Variants in ZNF33B observed in about 807,000 individuals in gnomAD.
The protein encoded by ZNF33B is zinc finger protein 11b (KOX 2).
ZNF33B carries 29 observed loss-of-function variants against 45.8 expected under a neutral mutation model. That is an observed-to-expected ratio of 0.63 (90% CI 0.47 to 0.86). The LOEUF (loss-of-function observed/expected upper bound fraction) is 0.86. Ranked by LOEUF, ZNF33B falls within the 40% of genes least tolerant of loss-of-function variation. The probability of loss-of-function intolerance (pLI) is 0.00; values close to 1 mark genes in which losing one functional copy is unlikely to be tolerated. For missense variants in ZNF33B, 831 were observed against 909.9 expected, an observed-to-expected ratio of 0.91 and a Z score of 1.12; for synonymous variants, 305 against 307.8, an observed-to-expected ratio of 0.99 and a Z score of 0.10.
chr10:42,631,694 A>G, intron 4 of ZNF33B: 2 of 435,996 alleles, frequency 4.6e-6, no homozygotes, highest in Non-Finnish European at 8.2e-6. Flanking sequence ...CAAAGACTGA[A>G]CTATTGGCAG....
intron 4 of ZNF33B, among the ~76,000 whole-genome samples, chr10:42,630,703 T>C (rs2132159630): frequency 6.6e-6 from 1 of 152,336 alleles, no homozygotes; most frequent in South Asian, 2.1e-4. Context: ...AGGACTTTAA[T>C]GAGCTCTCTA....
At chr10:42,583,824 G>T (rs770940970) in intron 1 of ZNF33B, among the ~76,000 whole-genome samples, 1 of 152,006 alleles carries the variant, frequency 6.6e-6, no homozygotes, top group Non-Finnish European at 1.5e-5. Context: ...ATGAGGGAAT[G>T]AAGCTGGAAC....
rs869297218 is a variant in ZNF33B, at chr10:42,626,722, TA to T, written c.250+5206del. ...ATAAATAAATAAATAAATAAATAAATAAAATAAAGAAATGTTCCTGCTTCTA... is the reference window on the plus strand; with the variant it reads ...ATAAATAAATAAATAAATAAATAAATAAATAAAGAAATGTTCCTGCTTCTA... On this transcript the variant is annotated intron_variant, in intron 4 of 4. Transcript: ENST00000359467. Among the ~76,000 whole-genome samples, 7 of 142,068 alleles carry T rather than the reference TA, an allele frequency of 4.9e-5. No individual in the cohort carries two copies. The South Asian group carries it at 8.9e-4, about 18-fold the overall frequency. The allele number at this position is 142,068 out of a possible 152,430, so 93.2% of individuals were successfully genotyped here. A position where few individuals can be genotyped will look rare whatever the true frequency, so the allele number is the denominator to read the frequency against.
intron 4 of ZNF33B, among the ~76,000 whole-genome samples, chr10:42,599,252 T>C (rs1184273636): frequency 6.6e-6 from 1 of 152,166 alleles, no homozygotes; most frequent in Non-Finnish European, 1.5e-5. Flanking sequence ...TGAAACAGCT[T>C]TTGGTTTCAC....
intron 1 of ZNF33B, chr10:42,582,807 G>T (rs1836851733): frequency 4.1e-6 from 1 of 241,512 alleles, no homozygotes; most frequent in Non-Finnish European, 8.1e-6. Flanking sequence ...CAGCTCCAAG[G>T]ACACGAGAAG....
intron 1 of ZNF33B, chr10:42,583,210 TTG>T: frequency 1.4e-6 from 1 of 705,758 alleles, no homozygotes; most frequent in Non-Finnish European, 2.6e-6. Context: ...CCCTCTTTTC[TTG>T]TGTTTTCCTA....
chr10:42,608,532 C>A (rs1837960284), intron 4 of ZNF33B, among the ~76,000 whole-genome samples: 2 of 151,438 alleles, frequency 1.3e-5, no homozygotes, highest in Admixed American at 6.6e-5. Context: ...TTATATAATA[C>A]ATTCCAAAGT....
At chr10:42,606,252 G>C (rs1457216745) in intron 4 of ZNF33B, among the ~76,000 whole-genome samples, 1 of 151,888 alleles carries the variant, frequency 6.6e-6, no homozygotes, top group Non-Finnish European at 1.5e-5. Flanking sequence ...ATCATCTGTG[G>C]TCAGGGGTTC....
chr10:42,587,331 C>T (rs1244651982), downstream of ZNF33B, among the ~76,000 whole-genome samples: 1 of 152,146 alleles, frequency 6.6e-6, no homozygotes, highest in Non-Finnish European at 1.5e-5. Context: ...TCCTGAGTAG[C>T]TGGGATTACA....
chr10:42,621,040 C>A (rs1838556098), intron 4 of ZNF33B, among the ~76,000 whole-genome samples: 1 of 151,710 alleles, frequency 6.6e-6, no homozygotes, highest in East Asian at 1.9e-4. Flanking sequence ...TAGTTTTAGA[C>A]TGAGGCTGGG....
At chr10:42,580,005 G>T (rs1836801888) in intron 1 of ZNF33B, 1 of 154,246 alleles carries the variant, frequency 6.5e-6, no homozygotes, top group Non-Finnish European at 1.5e-5. Flanking sequence ...AATGTGGTCT[G>T]GTGTATTCAC....
chr10:42,577,775 G>C (rs565170565), intron 1 of ZNF33B, among the ~76,000 whole-genome samples: 1 of 152,280 alleles, frequency 6.6e-6, no homozygotes, highest in Non-Finnish European at 1.5e-5. Flanking sequence ...CCTGCTTGTA[G>C]ATAATGTATG....
chr10:42,594,008 C>T lies in ZNF33B; in HGVS notation c.942G>A (p.Leu314=), dbSNP rs753915342. 53 of 1,614,010 alleles carry T rather than the reference C, an allele frequency of 3.3e-5. No individual in the cohort carries two copies. The highest frequency in any genetic ancestry group is 5.3e-5 in the African/African-American group (4 of 74,924). The change falls in exon 5 of 5, where the codon TTG becomes TTA. Residue 314 remains leucine, a synonymous_variant. Transcript: ENST00000359467. ...GESGNNFRRK[L]CLSQLQKGDK... ...CACCTTTCTGAAGCTGTGACAGACA[C>T]AATTTCCTCCTGAAATTATTCCCAC...
intron 4 of ZNF33B, among the ~76,000 whole-genome samples, chr10:42,596,865 A>G (rs1415595731): frequency 6.6e-6 from 1 of 151,980 alleles, no homozygotes; most frequent in Non-Finnish European, 1.5e-5. Context: ...GTAGATAATC[A>G]TATCTTTTGT....
At chr10:42,583,005 A>C (rs1046727279) in intron 1 of ZNF33B, 2 of 725,860 alleles carry the variant, frequency 2.8e-6, no homozygotes, top group Non-Finnish European at 5.0e-6. Context: ...GTAGTTTGGA[A>C]GAAGGGAAGG....
intron 2 of ZNF33B, among the ~76,000 whole-genome samples, chr10:42,634,976 GTGGC>G (rs1409306068): frequency 6.6e-6 from 1 of 152,178 alleles, no homozygotes; most frequent in African/African-American, 2.4e-5. Context: ...GCCAGGCATG[GTGGC>G]TCACACCTGT....
At chr10:42,631,821 C>G (rs749009925) in intron 4 of ZNF33B, 108 bp downstream of exon 4, 1 of 882,096 alleles carries the variant, frequency 1.1e-6, no homozygotes, top group Non-Finnish European at 1.9e-6. Context: ...GGTTAGGACC[C>G]CTATGGAGAT....
At chr10:42,618,517 G>C (rs1838429863) in intron 4 of ZNF33B, among the ~76,000 whole-genome samples, 1 of 152,132 alleles carries the variant, frequency 6.6e-6, no homozygotes. Flanking sequence ...CTATTTTCTA[G>C]AATGACTGTA....
At chr10:42,618,053 G>A (rs1192422224) in intron 4 of ZNF33B, among the ~76,000 whole-genome samples, 3 of 152,094 alleles carry the variant, frequency 2.0e-5, no homozygotes. Context: ...CTGCTTAGGA[G>A]CCTTCTCTGG....
Sources: allele counts gnomAD v4.1 joint callset (sites outside exome capture counted in the v4.1 genomes callset), GRCh38; gene constraint gnomAD v4.1.1; transcripts MANE v1.5; gene names NCBI Gene and HGNC (gene_info 2026-07-23, HGNC 2026-07-21).